Variants in KIAA0513 observed in about 807,000 individuals in gnomAD.
KIAA0513 encodes KIAA0513.
Under a neutral mutation model 56.5 loss-of-function variants are expected in KIAA0513, and 39 were observed. That is an observed-to-expected ratio of 0.69 (90% CI 0.53 to 0.90). KIAA0513 has a LOEUF of 0.90. KIAA0513 is among the 40% of genes least tolerant of loss of function. The probability of loss-of-function intolerance (pLI) is 0.00; values close to 1 mark genes in which losing one functional copy is unlikely to be tolerated. For missense variants in KIAA0513, 591 were observed against 535.2 expected (o/e 1.10, Z -1.03); for synonymous variants, 268 against 215.6 (o/e 1.24, Z -2.13).
In KIAA0513 at chr16:85,066,936, A is replaced by C. The variant is rs180973673; in HGVS notation, c.-136A>C. 5.0e-5 allele frequency: 33 copies of C among 663,550 alleles called. No individual in the cohort carries two copies. The highest frequency in any genetic ancestry group is 1.2e-4 in the Admixed American group (4 of 32,624). 41.1% of individuals were successfully genotyped at this position (663,550 alleles called of 1,614,324 possible). A position where few individuals can be genotyped will look rare whatever the true frequency, so the allele number is the denominator to read the frequency against. On this transcript the variant is annotated 5_prime_UTR_variant, in exon 2 of 13. Transcript: ENST00000683363. ...CCAGGTGAGCTGCTGTGAAGGACTC[A>C]TTCTTGGTAGCCGGCAGTTACTGGC...
chr16:85,061,014 A>G (rs1046785093), intron 1 of KIAA0513, among the ~76,000 whole-genome samples: 4 of 151,916 alleles, frequency 2.6e-5, no homozygotes, highest in Non-Finnish European at 4.4e-5. Flanking sequence ...TTAGCCCAGC[A>G]TGGTGGCGGG....
chr16:85,036,366 T>C (rs2073036595), intron 1 of KIAA0513, among the ~76,000 whole-genome samples: 1 of 152,184 alleles, frequency 6.6e-6, no homozygotes, highest in African/African-American at 2.4e-5. Context: ...TGACAACCAC[T>C]AATCCAGTTT....
At chr16:85,042,123 T>A (rs769066142) in intron 1 of KIAA0513, among the ~76,000 whole-genome samples, 1 of 152,348 alleles carries the variant, frequency 6.6e-6, no homozygotes, top group African/African-American at 2.4e-5. Context: ...TATTCTCTTA[T>A]AATTATTGTA....
chr16:85,040,389 G>T lies in KIAA0513; in HGVS notation c.-173+12531G>T, dbSNP rs190522612. Among the ~76,000 whole-genome samples the T allele has an allele frequency of 4.6e-5, 7 of 152,234 alleles. No individual in the cohort carries two copies. In the East Asian group the frequency reaches 1.2e-3, roughly 25 times the overall value. On this transcript the variant is annotated intron_variant, in intron 1 of 12. Transcript: ENST00000683363. ...GTCAAGAAACCCCACTGTTGGCTGG[G>T]CGTGGTGGCTCACGCCTGTAATCCC...
chr16:85,087,832 A>C (rs2073827032), intron 12 of KIAA0513, among the ~76,000 whole-genome samples: 1 of 152,210 alleles, frequency 6.6e-6, no homozygotes, highest in Non-Finnish European at 1.5e-5. Flanking sequence ...GAGGCATGAG[A>C]GTGCCAGTGG....
intron 1 of KIAA0513, among the ~76,000 whole-genome samples, chr16:85,053,050 G>C (rs2073276811): frequency 6.6e-6 from 1 of 151,970 alleles, no homozygotes; most frequent in Non-Finnish European, 1.5e-5. Context: ...ACCACACCCA[G>C]CGAATTTTTG....
chr16:85,045,607 C>T (rs531125949), intron 1 of KIAA0513, among the ~76,000 whole-genome samples: 1 of 152,312 alleles, frequency 6.6e-6, no homozygotes, highest in Admixed American at 6.5e-5. Flanking sequence ...CCACCTGCCT[C>T]GGCCTCCCAA....
chr16:85,085,699 G>C (rs1211269732), intron 10 of KIAA0513, among the ~76,000 whole-genome samples: 1 of 152,194 alleles, frequency 6.6e-6, no homozygotes, highest in Non-Finnish European at 1.5e-5. Context: ...CTGAGGGGTG[G>C]GGAGCCCCCT....
chr16:85,049,449 A>T (rs28403503), intron 1 of KIAA0513, among the ~76,000 whole-genome samples: 61,000 of 152,016 alleles, frequency 0.4, 13,674 homozygotes, highest in African/African-American at 0.61. Flanking sequence ...CTCCTGTCGA[A>T]TTGTAATCTC....
chr16:85,073,075 T>C (rs1005665142), intron 4 of KIAA0513, 77 bp downstream of exon 4: 4 of 1,208,636 alleles, frequency 3.3e-6, no homozygotes, highest in Non-Finnish European at 4.9e-6. Flanking sequence ...CACCCAGCCG[T>C]GTCATAACCC....
At chr16:85,044,661 C>T (rs2073147830) in intron 1 of KIAA0513, among the ~76,000 whole-genome samples, 1 of 151,964 alleles carries the variant, frequency 6.6e-6, no homozygotes, top group African/African-American at 2.4e-5. Flanking sequence ...CGCGTGCCAC[C>T]ATGCTTGGCT....
At chr16:85,060,856 A>AG (rs1463522227) in intron 1 of KIAA0513, among the ~76,000 whole-genome samples, 51 of 151,244 alleles carry the variant, frequency 3.4e-4, no homozygotes, top group African/African-American at 1.1e-3. Context: ...AAAAAAAAAA[A>AG]AAGAAGAAAG....
intron 1 of KIAA0513, among the ~76,000 whole-genome samples, chr16:85,055,181 C>G (rs558446127): frequency 6.6e-6 from 1 of 152,124 alleles, no homozygotes; most frequent in Non-Finnish European, 1.5e-5. Context: ...GCCTTGGCCT[C>G]TCAAAGTGCT....
rs936694476 is a variant in KIAA0513 at position 85,077,576 on chromosome 16, G to C, written c.726G>C (p.Lys242Asn). Residue 242 changes from lysine (K) to asparagine (N), a missense_variant, in exon 6 of 13, where the codon AAG becomes AAC. Coordinates refer to ENST00000683363, the MANE Select transcript of KIAA0513 (RefSeq NM_001388359.1). ...CCTCGGCCAGGACTGAGAATGTCAA[G>C]GGCTTCTTCGGGGGGCTGGAGACCA... ...KNTSARTENVKGFFGGLETKL... is the reference protein window; with the variant it reads ...KNTSARTENVNGFFGGLETKL... 1.9e-6 allele frequency: 3 copies of C among 1,614,006 alleles called. No individual in the cohort carries two copies. In the African/African-American group the frequency reaches 4.0e-5, roughly 22 times the overall value.
chr16:85,038,725 AATAATAAT>A (rs2073067744), intron 1 of KIAA0513, among the ~76,000 whole-genome samples: 1 of 91,370 alleles, frequency 1.1e-5, no homozygotes. Flanking sequence ...AAAAAAAAAT[AATAATAAT>A]AATATCTTTG....
At chr16:85,064,627 C>T (rs1437496706) in intron 1 of KIAA0513, among the ~76,000 whole-genome samples, 1 of 152,178 alleles carries the variant, frequency 6.6e-6, no homozygotes, top group African/African-American at 2.4e-5. Flanking sequence ...CTTTAATTTG[C>T]ATATTTATAT....
At chr16:85,077,797 G>A (rs1244475816) in intron 6 of KIAA0513, among the ~76,000 whole-genome samples, 165 bp downstream of exon 6, 9 of 152,102 alleles carry the variant, frequency 5.9e-5, no homozygotes, top group African/African-American at 2.2e-4. Flanking sequence ...GGTCTGCAAA[G>A]CCAAGCCCCC....
chr16:85,032,174 C>T (rs1410287644), intron 1 of KIAA0513, among the ~76,000 whole-genome samples: 1 of 152,172 alleles, frequency 6.6e-6, no homozygotes, highest in Non-Finnish European at 1.5e-5. Flanking sequence ...CGTGTTGTCC[C>T]CTCACTGGCA....
At position 85,072,878 on chromosome 16, in the gene KIAA0513, G is replaced by C. The variant is rs200752617; in HGVS notation, c.430-47G>C. The C allele has an allele frequency of 8.3e-6, 13 of 1,574,030 alleles. No individual in the cohort carries two copies. The Middle Eastern group carries it at 5.0e-4, about 61-fold the overall frequency. On this transcript the variant is annotated intron_variant, in intron 3 of 12. Transcript: ENST00000683363. ...AGCCTGCAGCTTCACTGAGTGCTGC[G>C]TGTGTCGCCCTGAACCTCAATGATG...
Sources: allele counts gnomAD v4.1 joint callset (sites outside exome capture counted in the v4.1 genomes callset), GRCh38; gene constraint gnomAD v4.1.1; transcripts MANE v1.5; gene names NCBI Gene and HGNC (gene_info 2026-07-23, HGNC 2026-07-21).